The following RIC1 variants were observed in gnomAD, a reference collection of about 807,000 sequenced individuals.
The protein encoded by RIC1 is guanine nucleotide exchange factor subunit RIC1.
RIC1 carries 88 observed loss-of-function variants against 169.0 expected under a neutral mutation model. The ratio of observed to expected loss-of-function variants is 0.52; its 90% CI spans 0.44 to 0.62. The LOEUF is 0.62. Ranked by LOEUF, RIC1 falls within the 20% of genes least tolerant of loss-of-function variation. The pLI is 0.00. For missense variants in RIC1, 1,877 were observed against 1,725.5 expected, an observed-to-expected ratio of 1.09 and a Z score of -1.56; for synonymous variants, 790 against 601.5, an observed-to-expected ratio of 1.31 and a Z score of -4.59.
At chr9:5,664,476 G>A (rs555956463) in intron 2 of RIC1, among the ~76,000 whole-genome samples, 3 of 151,962 alleles carry the variant, frequency 2.0e-5, no homozygotes, top group Non-Finnish European at 4.4e-5. Flanking sequence ...TCACTGAGAG[G>A]TCTATTGTTA....
At chr9:5,647,974 A>G (rs112899028) in intron 1 of RIC1, among the ~76,000 whole-genome samples, 37,683 of 93,884 alleles carry the variant, frequency 0.4, 5,978 homozygotes, top group East Asian at 0.61. Flanking sequence ...GGTGGTGGTG[A>G]TGGTGGTGGT....
chr9:5,664,797 G>T (rs1319421202), intron 2 of RIC1, among the ~76,000 whole-genome samples: 1 of 152,054 alleles, frequency 6.6e-6, no homozygotes, highest in Admixed American at 6.6e-5. Context: ...TTTCTCAGAG[G>T]TTTTATTCAT....
intron 21 of RIC1, among the ~76,000 whole-genome samples, 163 bp from the exon 22 acceptor site, chr9:5,768,807 G>A (rs1563723833): frequency 6.6e-6 from 1 of 152,176 alleles, no homozygotes; most frequent in Admixed American, 6.5e-5. Flanking sequence ...GGGTTGTGGT[G>A]TAACACGGAG....
Position 5,746,081 on chromosome 9 carries a change from A to G in RIC1, c.1246A>G (p.Met416Val), listed in dbSNP as rs1161058813. 1 of 1,607,424 alleles carries G rather than the reference A, an allele frequency of 6.2e-7. No homozygotes were observed. The highest frequency in any genetic ancestry group is 2.2e-5 in the East Asian group (1 of 44,840). Residue 416 changes from methionine (M) to valine (V), a missense_variant and splice_region_variant, in exon 11 of 26, where the codon ATG (methionine) becomes GTG (valine). Transcript: ENST00000414202. ...IKSVLTVNPC[M>V]SNQEQVLLQG... ...GAGTGTACTCACTGTAAACCCTTGT[A>G]TGGTAAGTATATTTAAAGCTCTGAT...
At chr9:5,772,787 A>G (rs1827311475) in intron 24 of RIC1, 46 bp downstream of exon 24, 2 of 1,570,084 alleles carry the variant, frequency 1.3e-6, no homozygotes, top group South Asian at 1.2e-5. Flanking sequence ...TACTCAGAGT[A>G]TTTGGGCAAA....
At chr9:5,654,887 T>C (rs938848636) in intron 1 of RIC1, among the ~76,000 whole-genome samples, 1 of 152,170 alleles carries the variant, frequency 6.6e-6, no homozygotes, top group Non-Finnish European at 1.5e-5. Context: ...TTCCACTTTT[T>C]TATTGCTGGT....
chr9:5,739,216 T>A (rs1490267768), intron 8 of RIC1, among the ~76,000 whole-genome samples: 1 of 152,132 alleles, frequency 6.6e-6, no homozygotes, highest in Non-Finnish European at 1.5e-5. Flanking sequence ...TTCCTCTACA[T>A]TAAACCAAGG....
intron 21 of RIC1, among the ~76,000 whole-genome samples, chr9:5,768,684 T>G (rs1826972279): frequency 2.0e-5 from 3 of 152,142 alleles, no homozygotes. Flanking sequence ...TTTGCTGCCT[T>G]TCTTTCTGTC....
downstream of RIC1, among the ~76,000 whole-genome samples, chr9:5,776,924 A>G (rs377739327): frequency 6.6e-6 from 1 of 152,108 alleles, no homozygotes; most frequent in Admixed American, 6.6e-5. Flanking sequence ...ACTTTTTCCC[A>G]TTTTCCTAAT....
At chr9:5,714,188 T>C (rs1390935067) in intron 4 of RIC1, among the ~76,000 whole-genome samples, 185 bp downstream of exon 4, 1 of 152,202 alleles carries the variant, frequency 6.6e-6, no homozygotes, top group Non-Finnish European at 1.5e-5. Context: ...AATACTTAAA[T>C]TATTATAATA....
intron 2 of RIC1, among the ~76,000 whole-genome samples, chr9:5,682,696 A>G (rs1457505798): frequency 6.6e-6 from 1 of 152,072 alleles, no homozygotes; most frequent in East Asian, 1.9e-4. Context: ...CTGAATTTGA[A>G]TGTTGGCCTG....
At chr9:5,755,289 G>A (rs965833719) in intron 15 of RIC1, among the ~76,000 whole-genome samples, 1 of 152,148 alleles carries the variant, frequency 6.6e-6, no homozygotes, top group African/African-American at 2.4e-5. Flanking sequence ...AATTATGGGG[G>A]ATACATTCCA....
chr9:5,673,500 AC>A (rs1309408125), intron 2 of RIC1, among the ~76,000 whole-genome samples: 2 of 145,714 alleles, frequency 1.4e-5, no homozygotes, highest in Non-Finnish European at 3.0e-5. Context: ...AAGGGAAGGT[AC>A]CCCACAAAAT....
intron 1 of RIC1, among the ~76,000 whole-genome samples, chr9:5,647,980 G>GTGGTGGTGGTGATGA (rs1563867065): frequency 1.6e-5 from 2 of 127,362 alleles, no homozygotes; most frequent in East Asian, 2.4e-4. Context: ...GGTGATGGTG[G>GTGGTGGTGGTGATGA]TGGTGGTGGT....
intron 6 of RIC1, among the ~76,000 whole-genome samples, chr9:5,724,594 G>A (rs200083971): frequency 5.3e-5 from 8 of 152,132 alleles, no homozygotes; most frequent in Non-Finnish European, 1.0e-4. Flanking sequence ...TTCCAACACT[G>A]TGTTGAATAG....
In RIC1 at chr9:5,763,094, C is replaced by A. The variant is rs768050148; in HGVS notation, c.2113-46C>A. The A allele has an allele frequency of 3.2e-6, 5 of 1,580,540 alleles. No homozygotes were observed. On this transcript the variant is annotated intron_variant, in intron 18 of 25. Coordinates refer to ENST00000414202, the MANE Select transcript of RIC1 (RefSeq NM_020829.4). The surrounding 1 kb of genome is among the most constrained non-coding windows in gnomAD (Gnocchi z 5.2). ...TAGTACCTAGGAACTTAAGAACCTGCAGATTTAATAGGAAAACAACTTGAT... is the reference window on the plus strand; with the variant it reads ...TAGTACCTAGGAACTTAAGAACCTGAAGATTTAATAGGAAAACAACTTGAT...
At position 5,774,599 on chromosome 9, in the gene RIC1, G is replaced by C. The variant is rs375881992; in HGVS notation, c.*353G>C. On this transcript the variant is annotated 3_prime_UTR_variant, in exon 26 of 26. Coordinates refer to ENST00000414202, the MANE Select transcript of RIC1 (RefSeq NM_020829.4). The stretch of plus-strand genomic sequence containing the variant: ...CTACTTACATCTTCTCACATTTCCC[G>C]GTTCTGCATTATGTCCAGATTGCTT... The C allele has an allele frequency of 5.7e-6, 1 of 175,756 alleles. No individual in the cohort carries two copies. 10.9% of individuals were successfully genotyped at this position (175,756 alleles called of 1,614,324 possible). A position where few individuals can be genotyped will look rare whatever the true frequency, so the allele number is the denominator to read the frequency against.
At position 5,747,316 on chromosome 9, in the gene RIC1, G is replaced by C; in HGVS notation, c.1263G>C (p.Gln421His). The C allele has an allele frequency of 6.2e-7, 1 of 1,613,972 alleles. No individual in the cohort carries two copies. Among genetic ancestry groups the C allele is most frequent in the Non-Finnish European group, 8.5e-7 (1 of 1,179,874 alleles). ...CCCTCATTTAGAGTAACCAAGAGCA[G>C]GTGTTGCTTCAGGGTGAGGATCGCT... ...TVNPCMSNQEQVLLQGEDRLY... is the reference protein window; with the variant it reads ...TVNPCMSNQEHVLLQGEDRLY... The change falls in exon 12 of 26, where the codon CAG becomes CAC. Residue 421 changes from glutamine (Q) to histidine (H), a missense_variant. Around this residue, in one of 3 missense-constraint regions of RIC1, gnomAD observed 1,104 missense variants for 992.0 expected, o/e 1.11. Transcript: ENST00000414202.
intron 6 of RIC1, among the ~76,000 whole-genome samples, chr9:5,722,375 G>GTGTT (rs1823659518): frequency 6.7e-6 from 1 of 150,192 alleles, no homozygotes; most frequent in African/African-American, 2.5e-5. Flanking sequence ...GTGTGTGTGT[G>GTGTT]TGTGTGTACC....
Sources: gnomAD v4.1 joint callset for allele counts (sites outside exome capture counted in the v4.1 genomes callset) on GRCh38, gnomAD v4.1.1 for gene constraint, gnomAD v4.1.1 regional missense constraint, Gnocchi (gnomAD v3.1) non-coding constraint, MANE v1.5 for transcripts, NCBI Gene and HGNC (gene_info 2026-07-23, HGNC 2026-07-21) for gene names.